CHD1L: variants seen among roughly 807,000 people sequenced by gnomAD.
CHD1L encodes the protein ATP-dependent chromatin remodeler CHD1L.
CHD1L carries 118 observed loss-of-function variants against 115.9 expected under a neutral mutation model. The ratio of observed to expected loss-of-function variants is 1.02; its 90% confidence interval spans 0.88 to 1.19. The LOEUF (loss-of-function observed/expected upper bound fraction) is 1.19. Ranked by LOEUF, CHD1L falls within the 50% of genes most tolerant of loss-of-function variation. The pLI is 0.00. For synonymous variants in CHD1L, 411 were observed against 387.1 expected, an observed-to-expected ratio of 1.06 and a Z score of -0.72; for missense variants, 1,179 against 1,065.3, an observed-to-expected ratio of 1.11 and a Z score of -1.49.
intron 8 of CHD1L, 31 bp from the exon 9 acceptor site, chr1:147,267,391 CTCTT>C (rs782527584): frequency 2.0e-6 from 3 of 1,535,106 alleles, no homozygotes; most frequent in East Asian, 2.3e-5. Flanking sequence ...AGTAGGCCAT[CTCTT>C]TCTGTCTCTC....
chr1:147,272,118 C>A, intron 11 of CHD1L, 53 bp from the exon 12 acceptor site: 1 of 1,485,364 alleles, frequency 6.7e-7, no homozygotes, highest in Non-Finnish European at 9.3e-7. Context: ...TTTTATTCCC[C>A]AAAGACTACT....
intron 1 of CHD1L, among the ~76,000 whole-genome samples, chr1:147,250,427 G>A (rs1355558756): frequency 5.3e-5 from 8 of 152,124 alleles, no homozygotes; most frequent in Non-Finnish European, 1.2e-4. Flanking sequence ...GGGGATAGAA[G>A]TCCAGGCTCC....
chr1:147,283,111 G>T (rs12565838), intron 15 of CHD1L, among the ~76,000 whole-genome samples: 103,592 of 152,052 alleles, frequency 0.68, 35,385 homozygotes, highest in African/African-American at 0.71. Context: ...AAAAAGCATG[G>T]TTGGAAGTTG....
intron 5 of CHD1L, 26 bp downstream of exon 5, chr1:147,256,588 C>G (rs927580190): frequency 1.9e-6 from 3 of 1,604,502 alleles, no homozygotes; most frequent in Non-Finnish European, 2.6e-6. Flanking sequence ...TATTTAAGAA[C>G]TTGGGTTGAA....
At chr1:147,233,414 AGG>A in the CHD1L span, among the ~76,000 whole-genome samples, 1 of 137,156 alleles carries the variant, frequency 7.3e-6, no homozygotes, top group South Asian at 2.4e-4. Context: ...CCCGTCCGGG[AGG>A]GAGGTGGGGG....
At chr1:147,269,771 G>A (rs1373816169) in intron 10 of CHD1L, among the ~76,000 whole-genome samples, 6 of 152,032 alleles carry the variant, frequency 3.9e-5, no homozygotes, top group Non-Finnish European at 8.8e-5. Context: ...CTTTCTAGAG[G>A]AGTCTAGGAA....
the CHD1L span, chr1:147,204,903 G>A: frequency 1.0e-5 from 16 of 1,580,820 alleles, no homozygotes; most frequent in Admixed American, 2.7e-4. Context: ...TCTGGGCGAA[G>A]CCCGGAGCCT....
At chr1:147,294,382 A>AAT (rs782060432) in intron 21 of CHD1L, 27 bp from the exon 22 acceptor site, 7 of 1,542,110 alleles carry the variant, frequency 4.5e-6, no homozygotes, top group Non-Finnish European at 6.2e-6. Flanking sequence ...TGATGAGTGA[A>AAT]GACATGTGTT....
At chr1:147,217,903 C>T in the CHD1L span, among the ~76,000 whole-genome samples, 3 of 152,172 alleles carry the variant, frequency 2.0e-5, no homozygotes, top group Non-Finnish European at 4.4e-5. Flanking sequence ...GAATTGTACT[C>T]ATGGTTTTCC....
rs143273138 is a variant in CHD1L, at chr1:147,267,612, C to G, written c.988+94C>G. 2.7e-5 allele frequency: 23 copies of G among 864,792 alleles called. No individual in the cohort carries two copies. In the East Asian group the frequency reaches 5.8e-4, roughly 22 times the overall value. 53.6% of individuals were successfully genotyped at this position (864,792 alleles called of 1,614,324 possible). On this transcript the variant is annotated intron_variant, in intron 9 of 22. Transcript: ENST00000369258. ...TCTTCAAAATAATTGCATATACTTA[C>G]TTTGTCTACTTTGTTTATTCTCAAT...
rs903032857 is a variant in CHD1L at position 147,276,262 on chromosome 1, G to A, written c.1539+5G>A. On this transcript the variant is annotated splice_donor_5th_base_variant and intron_variant, in intron 14 of 22. Coordinates refer to ENST00000369258, the MANE Select transcript of CHD1L (RefSeq NM_004284.6). ...GCTGCCGATGCTGACCTCCAGGTATGATATGATATACTGTTCTTCACTTTG... is the reference window on the plus strand; with the variant it reads ...GCTGCCGATGCTGACCTCCAGGTATAATATGATATACTGTTCTTCACTTTG... The A allele has an allele frequency of 2.5e-6, 4 of 1,613,928 alleles. No homozygotes were observed. The African/African-American group carries it at 4.0e-5, about 16-fold the overall frequency.
chr1:147,234,331 T>C, the CHD1L span, among the ~76,000 whole-genome samples: 1 of 152,216 alleles, frequency 6.6e-6, no homozygotes, highest in Non-Finnish European at 1.5e-5. Flanking sequence ...CCCCAGGATC[T>C]GGTGTTGGGT....
chr1:147,179,006 A>G, the CHD1L span: 91 of 1,613,974 alleles, frequency 5.6e-5, no homozygotes, highest in Non-Finnish European at 7.5e-5. Context: ...CACAAACTCA[A>G]CTTTGCTGTA....
chr1:147,226,969 A>G, the CHD1L span, among the ~76,000 whole-genome samples: 4 of 151,784 alleles, frequency 2.6e-5, no homozygotes, highest in African/African-American at 9.7e-5. Context: ...AGTAGGGACT[A>G]CAGCTGTGTG....
intron 10 of CHD1L, 22 bp downstream of exon 10, chr1:147,268,900 G>C (rs782169658): frequency 5.7e-6 from 9 of 1,567,526 alleles, no homozygotes; most frequent in Non-Finnish European, 7.9e-6. Context: ...GTTCACATTT[G>C]CTGCTCTGAG....
rs781783477 is a variant in CHD1L, at chr1:147,254,920, A to G, written c.291A>G (p.Pro97=). The G allele has an allele frequency of 6.2e-7, 1 of 1,612,090 alleles. No homozygotes were observed. The highest frequency in any genetic ancestry group is 8.5e-7 in the Non-Finnish European group (1 of 1,179,328). ...YLAGRLNDEG[P]FLILCPLSVL... ...CAGGAAGATTAAATGATGAAGGGCC[A>G]TTTCTGATTCTTTGTCCCTTGTCTG... is the stretch of plus-strand genomic sequence containing the variant. Residue 97 remains proline (P), a synonymous_variant, in exon 3 of 23, where the codon CCA becomes CCG. Transcript: ENST00000369258.
chr1:147,256,628 C>T (rs189872566), intron 5 of CHD1L, 66 bp downstream of exon 5: 21 of 1,481,322 alleles, frequency 1.4e-5, no homozygotes, highest in African/African-American at 9.7e-5. Flanking sequence ...CTTTCCTTCA[C>T]GTTTTAGTAC....
intron 12 of CHD1L, among the ~76,000 whole-genome samples, chr1:147,274,675 GAAGA>G (rs1559827387): frequency 2.0e-5 from 3 of 152,078 alleles, no homozygotes; most frequent in Non-Finnish European, 4.4e-5. Flanking sequence ...CTGCAGCACT[GAAGA>G]AAGACCAGCA....
At chr1:147,212,495 G>A in the CHD1L span, 1 of 1,613,812 alleles carries the variant, frequency 6.2e-7, no homozygotes. Flanking sequence ...GGTTCTTATA[G>A]TCTCGACTGT....
Sources: allele counts gnomAD v4.1 joint callset (sites outside exome capture counted in the v4.1 genomes callset), GRCh38; gene constraint gnomAD v4.1.1; transcripts MANE v1.5; gene names NCBI Gene and HGNC (gene_info 2026-07-23, HGNC 2026-07-21).